IL1RAPL2: variants seen among roughly 807,000 people sequenced by gnomAD.
IL1RAPL2 encodes X-linked interleukin-1 receptor accessory protein-like 2.
A neutral mutation model predicts 44.1 loss-of-function variants in IL1RAPL2; 3 were observed. That is an observed-to-expected ratio of 0.07 (90% CI 0.03 to 0.18). IL1RAPL2 has a LOEUF of 0.18. IL1RAPL2 is among the 10% of genes least tolerant of loss of function. The pLI is 1.00. For missense variants in IL1RAPL2, 391 were observed against 496.4 expected (o/e 0.79, Z 2.02); for synonymous variants, 181 against 178.8 (o/e 1.01, Z -0.10).
chrX:104,677,911 C>A (rs975069315), intron 2 of IL1RAPL2, among the ~76,000 whole-genome samples: 1 of 112,505 alleles, frequency 8.9e-6, no homozygotes, highest in Non-Finnish European at 1.9e-5. Context: ...ACTCCCTGAC[C>A]CCTTGCGCTT....
chrX:105,331,315 T>C (rs961325845), intron 5 of IL1RAPL2, among the ~76,000 whole-genome samples: 1 of 111,689 alleles, frequency 9.0e-6, no homozygotes, highest in African/African-American at 3.2e-5. Flanking sequence ...CATGGCTCCT[T>C]TTTGATGGCA....
At chrX:105,147,906 T>C (rs2033193378) in intron 2 of IL1RAPL2, among the ~76,000 whole-genome samples, 1 of 111,223 alleles carries the variant, frequency 9.0e-6, no homozygotes, top group African/African-American at 3.3e-5. Context: ...CCGAGACTGC[T>C]ATAGAAAACA....
At chrX:105,134,979 G>A (rs1309433944) in intron 2 of IL1RAPL2, among the ~76,000 whole-genome samples, 16 of 107,122 alleles carry the variant, frequency 1.5e-4, no homozygotes, top group African/African-American at 4.5e-4. Context: ...TTGTTCTGAC[G>A]GTGATAACCA....
At chrX:105,567,495 A>G (rs2036983140) in intron 6 of IL1RAPL2, among the ~76,000 whole-genome samples, 1 of 112,178 alleles carries the variant, frequency 8.9e-6, no homozygotes. Flanking sequence ...CTATTAGTGG[A>G]GAATTTTGTC....
intron 2 of IL1RAPL2, among the ~76,000 whole-genome samples, chrX:104,733,366 C>T (rs1410733854): frequency 9.1e-6 from 1 of 110,349 alleles, no homozygotes; most frequent in African/African-American, 3.3e-5. Flanking sequence ...CCGAGGTGGG[C>T]GGATTGCCTG....
At chrX:104,705,727 G>A (rs1931354164) in intron 2 of IL1RAPL2, among the ~76,000 whole-genome samples, 2 of 111,542 alleles carry the variant, frequency 1.8e-5, no homozygotes, top group Admixed American at 1.9e-4. Context: ...CTAAACTGGA[G>A]GCGAGAGGGA....
chrX:105,258,831 G>A (rs761430099), intron 4 of IL1RAPL2, among the ~76,000 whole-genome samples: 8 of 111,633 alleles, frequency 7.2e-5, no homozygotes, highest in Admixed American at 5.7e-4. Flanking sequence ...CTCCTGTATC[G>A]TTTTATTGTG....
chrX:104,581,176 T>C (rs1051960042), intron 1 of IL1RAPL2, among the ~76,000 whole-genome samples: 2 of 111,975 alleles, frequency 1.8e-5, no homozygotes, highest in Non-Finnish European at 3.8e-5. Flanking sequence ...TCAAAACATA[T>C]GATTTTACTT....
chrX:105,310,851 G>A, intron 5 of IL1RAPL2, among the ~76,000 whole-genome samples: 2 of 111,371 alleles, frequency 1.8e-5, no homozygotes, highest in East Asian at 5.6e-4. Context: ...GTAATTTATT[G>A]GGACATATTT....
chrX:104,608,662 C>CTT (rs60105376), intron 1 of IL1RAPL2, among the ~76,000 whole-genome samples: 33 of 58,495 alleles, frequency 5.6e-4, no homozygotes, highest in Non-Finnish European at 6.1e-4. Flanking sequence ...GCAACCCCTG[C>CTT]TTTTTTTTTT....
chrX:105,035,061 C>T (rs1232542165), intron 2 of IL1RAPL2, among the ~76,000 whole-genome samples: 1 of 111,749 alleles, frequency 8.9e-6, no homozygotes, highest in Admixed American at 9.4e-5. Flanking sequence ...ATATAATCTC[C>T]TGGTGTGCCG....
chrX:104,871,604 T>C (rs1742244547), intron 2 of IL1RAPL2, among the ~76,000 whole-genome samples: 1 of 111,570 alleles, frequency 9.0e-6, no homozygotes, highest in Admixed American at 9.6e-5. Context: ...ATTCTTTTCA[T>C]ACCTTGTAGT....
At chrX:104,576,191 A>C (rs376400147) in intron 1 of IL1RAPL2, among the ~76,000 whole-genome samples, 2 of 111,336 alleles carry the variant, frequency 1.8e-5, no homozygotes, top group South Asian at 7.6e-4. Context: ...CTGAGACACG[A>C]GTTCAGTAAT....
chrX:105,054,433 T>C (rs181562765), intron 2 of IL1RAPL2, among the ~76,000 whole-genome samples: 7 of 111,720 alleles, frequency 6.3e-5, no homozygotes, highest in African/African-American at 2.0e-4. Flanking sequence ...ACCACATATG[T>C]CTGTTTACTT....
intron 2 of IL1RAPL2, among the ~76,000 whole-genome samples, chrX:105,026,769 G>C (rs1480640510): frequency 9.1e-6 from 1 of 110,290 alleles, no homozygotes; most frequent in African/African-American, 3.3e-5. Flanking sequence ...ACTACCCAAA[G>C]CAATATACAG....
chrX:105,507,291 A>G (rs1276917246), intron 6 of IL1RAPL2, among the ~76,000 whole-genome samples: 3 of 112,019 alleles, frequency 2.7e-5, no homozygotes, highest in African/African-American at 9.7e-5. Flanking sequence ...CTTTTCGACA[A>G]CGTATAATTT....
chrX:104,888,432 T>C (rs1462918321), intron 2 of IL1RAPL2, among the ~76,000 whole-genome samples: 1 of 111,280 alleles, frequency 9.0e-6, no homozygotes, highest in Admixed American at 9.5e-5. Flanking sequence ...TCTTTCTATC[T>C]TCCTTCTTTC....
chrX:104,898,007 G>T (rs966163869), intron 2 of IL1RAPL2, among the ~76,000 whole-genome samples: 30 of 112,136 alleles, frequency 2.7e-4, no homozygotes, highest in African/African-American at 8.1e-4. Context: ...TAACTGAGAT[G>T]GCTGATCTTA....
At chrX:104,900,624 T>C (rs900800347) in intron 2 of IL1RAPL2, among the ~76,000 whole-genome samples, 1 of 112,453 alleles carries the variant, frequency 8.9e-6, no homozygotes, top group African/African-American at 3.2e-5. Flanking sequence ...CTACCATGCA[T>C]GTCTCTCATC....
Sources: allele counts gnomAD v4.1 joint callset (sites outside exome capture counted in the v4.1 genomes callset), GRCh38; gene constraint gnomAD v4.1.1; transcripts MANE v1.5; gene names NCBI Gene and HGNC (gene_info 2026-07-23, HGNC 2026-07-21).